Variants in UNC13C observed in about 807,000 individuals in gnomAD.
The protein encoded by UNC13C is protein unc-13 homolog C.
In UNC13C, 174 loss-of-function variants were observed where a neutral mutation model predicts 245.4. That is an observed-to-expected ratio of 0.71 (90% CI 0.63 to 0.80). The LOEUF is 0.80. UNC13C is among the 30% of genes least tolerant of loss of function. The pLI, the probability that UNC13C is intolerant of heterozygous loss-of-function variation, is 0.00. For missense variants in UNC13C, 2,829 were observed against 2,602.9 expected (o/e 1.09, Z -1.89); for synonymous variants, 992 against 895.1 (o/e 1.11, Z -1.93).
At chr15:54,065,809 C>T (rs768977080) in intron 2 of UNC13C, among the ~76,000 whole-genome samples, 14 of 152,150 alleles carry the variant, frequency 9.2e-5, no homozygotes, top group Non-Finnish European at 1.8e-4. Flanking sequence ...GGAAGAGGAA[C>T]GGAGTTGGTG....
At chr15:53,846,159 T>G in the UNC13C span, among the ~76,000 whole-genome samples, 1 of 152,266 alleles carries the variant, frequency 6.6e-6, no homozygotes, top group East Asian at 1.9e-4. Flanking sequence ...GTAGGTTCGG[T>G]GCATTAAATA....
intron 19 of UNC13C, among the ~76,000 whole-genome samples, chr15:54,446,914 A>G (rs938223069): frequency 9.9e-5 from 15 of 152,128 alleles, no homozygotes; most frequent in African/African-American, 3.4e-4. Flanking sequence ...TCAGTATGAT[A>G]TTGGCTGTGG....
At chr15:54,124,601 C>T (rs1433968591) in intron 2 of UNC13C, among the ~76,000 whole-genome samples, 1 of 152,068 alleles carries the variant, frequency 6.6e-6, no homozygotes, top group Non-Finnish European at 1.5e-5. Context: ...ATCCTCCTAA[C>T]AAGGTCTTTC....
At chr15:54,434,592 A>G (rs1289772725) in intron 19 of UNC13C, among the ~76,000 whole-genome samples, 1 of 152,190 alleles carries the variant, frequency 6.6e-6, no homozygotes, top group Non-Finnish European at 1.5e-5. Flanking sequence ...CTCAAGATGG[A>G]TTAAAGACTT....
intron 19 of UNC13C, among the ~76,000 whole-genome samples, chr15:54,449,674 G>A (rs190476850): frequency 1.8e-4 from 27 of 152,144 alleles, no homozygotes; most frequent in African/African-American, 5.5e-4. Flanking sequence ...TTAGCCATTC[G>A]ACTAATCATT....
chr15:54,310,748 A>G (rs2037846650), intron 13 of UNC13C, among the ~76,000 whole-genome samples: 1 of 138,272 alleles, frequency 7.2e-6, no homozygotes, highest in Non-Finnish European at 1.5e-5. Flanking sequence ...TTATATATCT[A>G]TATCTATATC....
chr15:54,590,666 C>A (rs1337992724), intron 30 of UNC13C, among the ~76,000 whole-genome samples: 1 of 152,158 alleles, frequency 6.6e-6, no homozygotes, highest in Non-Finnish European at 1.5e-5. Context: ...TTGCTGAATT[C>A]CTTTACCAGT....
At chr15:54,410,739 A>G (rs1297501886) in intron 18 of UNC13C, among the ~76,000 whole-genome samples, 2 of 152,038 alleles carry the variant, frequency 1.3e-5, no homozygotes, top group Non-Finnish European at 2.9e-5. Flanking sequence ...TGCCAGTATC[A>G]TGCTGTTATG....
At chr15:54,318,530 GA>G (rs1290282876) in intron 13 of UNC13C, among the ~76,000 whole-genome samples, 1 of 151,732 alleles carries the variant, frequency 6.6e-6, no homozygotes, top group Non-Finnish European at 1.5e-5. Flanking sequence ...GTCTTCTTTT[GA>G]AAACTGCCTA....
At chr15:54,334,628 A>G (rs1047170260) in intron 16 of UNC13C, among the ~76,000 whole-genome samples, 4 of 152,146 alleles carry the variant, frequency 2.6e-5, no homozygotes, top group African/African-American at 9.7e-5. Flanking sequence ...AAACCATACT[A>G]TATCAAAGTT....
At chr15:54,323,246 T>C (rs1189065920) in intron 14 of UNC13C, among the ~76,000 whole-genome samples, 1 of 152,034 alleles carries the variant, frequency 6.6e-6, no homozygotes, top group African/African-American at 2.4e-5. Flanking sequence ...TTTACTCTTT[T>C]TCTGTCCTTT....
chr15:54,607,518 A>G (rs1459779709), intron 30 of UNC13C, among the ~76,000 whole-genome samples: 1 of 152,066 alleles, frequency 6.6e-6, no homozygotes, highest in Non-Finnish European at 1.5e-5. Context: ...GGAAATTGAG[A>G]TCTATTTTTT....
At chr15:54,320,811 C>G (rs2038134836) in intron 13 of UNC13C, 1 of 324,934 alleles carries the variant, frequency 3.1e-6, no homozygotes, top group African/African-American at 2.2e-5. Flanking sequence ...GTATTGGCCT[C>G]CATGACCACA....
At chr15:53,842,900 TTATA>T in the UNC13C span, among the ~76,000 whole-genome samples, 1 of 145,946 alleles carries the variant, frequency 6.9e-6, no homozygotes, top group Non-Finnish European at 1.5e-5. Flanking sequence ...ATTTTAAGTT[TTATA>T]TATATATATA....
chr15:53,994,674 C>T (rs1894537716), intron 1 of UNC13C, among the ~76,000 whole-genome samples: 1 of 151,994 alleles, frequency 6.6e-6, no homozygotes. Flanking sequence ...GAGTTTTGCA[C>T]AATTAATGAA....
intron 17 of UNC13C, among the ~76,000 whole-genome samples, chr15:54,347,771 C>T (rs918914925): frequency 2.0e-5 from 3 of 152,220 alleles, no homozygotes; most frequent in Admixed American, 6.5e-5. Flanking sequence ...TGGATACATA[C>T]ACACACACAT....
chr15:54,570,608 G>T (rs763392369), intron 30 of UNC13C, among the ~76,000 whole-genome samples: 5 of 151,788 alleles, frequency 3.3e-5, no homozygotes, highest in South Asian at 2.1e-4. Flanking sequence ...CTCTTTTTTT[G>T]ATTCTATCAC....
chr15:53,866,773 G>A, the UNC13C span, among the ~76,000 whole-genome samples: 1 of 152,182 alleles, frequency 6.6e-6, no homozygotes, highest in South Asian at 2.1e-4. Flanking sequence ...TATGAAAGTG[G>A]TAAGTCACTA....
At chr15:53,890,842 G>T in the UNC13C span, among the ~76,000 whole-genome samples, 17 of 151,848 alleles carry the variant, frequency 1.1e-4, no homozygotes, top group African/African-American at 3.6e-4. Context: ...TTTTTGATGG[G>T]TTTTTTGTGT....
Sources: gnomAD v4.1 joint callset for allele counts (sites outside exome capture counted in the v4.1 genomes callset) on GRCh38, gnomAD v4.1.1 for gene constraint, MANE v1.5 for transcripts, NCBI Gene and HGNC (gene_info 2026-07-23, HGNC 2026-07-21) for gene names.